Variants in ERCC3 observed in about 807,000 individuals in gnomAD.
ERCC3 encodes the protein ERCC excision repair 3, TFIIH core complex helicase subunit.
Under a neutral mutation model 94.2 loss-of-function variants are expected in ERCC3, and 66 were observed. The ratio of observed to expected loss-of-function variants is 0.70; its 90% CI spans 0.57 to 0.86. The LOEUF (loss-of-function observed/expected upper bound fraction) is 0.86. ERCC3 is among the 40% of genes least tolerant of loss of function. The pLI is 0.00. For missense variants in ERCC3, 829 were observed against 987.1 expected (o/e 0.84, Z 2.15); for synonymous variants, 349 against 369.1 (o/e 0.95, Z 0.63).
chr2:127,280,669 C>G lies in ERCC3; in HGVS notation c.1343-38G>C. The G allele has an allele frequency of 6.5e-7, 1 of 1,550,064 alleles. No individual in the cohort carries two copies. The highest frequency in any genetic ancestry group is 1.1e-5 in the South Asian group (1 of 88,032). On this transcript the variant is annotated intron_variant, in intron 8 of 14. Transcript: ENST00000285398. This position sits in a 1 kb window ranked among gnomAD's most constrained non-coding sequence, Gnocchi z 6.3. ...TGGGAGCATTCACACTGTCACTTTT[C>G]TTTCTTATTTTTTATTTATTTATTT...
rs1483454011 is a variant in ERCC3 at position 127,291,674 on chromosome 2, A to G, written c.471+936T>C. 3.3e-5 allele frequency among the ~76,000 whole-genome samples: 5 copies of G among 152,190 alleles called. No homozygotes were observed. The highest frequency in any genetic ancestry group is 1.2e-4 in the African/African-American group (5 of 41,436). On this transcript the variant is annotated intron_variant, in intron 3 of 14. Coordinates refer to ENST00000285398, the MANE Select transcript of ERCC3 (RefSeq NM_000122.2). The surrounding 1 kb of genome is among the most constrained non-coding windows in gnomAD (Gnocchi z 4.9). Reference sequence around the variant, plus strand: ...CTGTGGCACTCTTCTGCCACTCCAGATCCCAAGGTCTGAATCTGACTCCTT... The same window carrying G: ...CTGTGGCACTCTTCTGCCACTCCAGGTCCCAAGGTCTGAATCTGACTCCTT...
At position 127,264,804 on chromosome 2, in the gene ERCC3, G is replaced by A. The variant is rs1348160318; in HGVS notation, c.1946-3458C>T. On this transcript the variant is annotated intron_variant, in intron 12 of 14. Transcript: ENST00000285398. The surrounding 1 kb of genome is among the most constrained non-coding windows in gnomAD (Gnocchi z 4.4). ...TCCTCAATTTTTTTGAATAGTTTCAGTAGAACTGAATACATCTGGTCCAGG... is the reference window on the plus strand; with the variant it reads ...TCCTCAATTTTTTTGAATAGTTTCAATAGAACTGAATACATCTGGTCCAGG... Among the ~76,000 whole-genome samples the A allele has an allele frequency of 1.3e-5, 2 of 151,688 alleles. No homozygotes were observed. Among genetic ancestry groups the A allele is most frequent in the Non-Finnish European group, 2.9e-5 (2 of 67,966 alleles).
At position 127,281,762 on chromosome 2, in the gene ERCC3, C is replaced by T. The variant is rs1264278736; in HGVS notation, c.1343-1131G>A. ...ACACAACACCACATGCAAACACACACACACAAACACACACACACACACACA... is the reference window on the plus strand; with the variant it reads ...ACACAACACCACATGCAAACACACATACACAAACACACACACACACACACA... On this transcript the variant is annotated intron_variant, in intron 8 of 14. Coordinates refer to ENST00000285398, the MANE Select transcript of ERCC3 (RefSeq NM_000122.2). Among the ~76,000 whole-genome samples the T allele has an allele frequency of 2.0e-5, 3 of 152,054 alleles. No homozygotes were observed. The East Asian group carries it at 5.8e-4, about 29-fold the overall frequency.
In ERCC3 at chr2:127,261,327, G is replaced by GTACTC. The variant is rs1684183609; in HGVS notation, c.1960_1964dup (p.Tyr655Ter). 6.2e-7 allele frequency: 1 copy of GTACTC among 1,605,974 alleles called. No individual in the cohort carries two copies. The highest frequency in any genetic ancestry group is 1.3e-5 in the African/African-American group (1 of 74,736). ...ATACCAGTGAGTAGAAAAAGGCATTGTACTCTTCTGCAACCATCCCTGCAG... is the reference window on the plus strand; with the variant it reads ...ATACCAGTGAGTAGAAAAAGGCATTGTACTCTACTCTTCTGCAACCATCCCTGCAG... On this transcript the variant is annotated stop_gained and frameshift_variant, in exon 13 of 15. Transcript: ENST00000285398. LOFTEE classifies it high-confidence loss of function.
rs913844073 is a variant in ERCC3, at chr2:127,258,491, G to C, written c.2218-764C>G. 3.9e-5 allele frequency among the ~76,000 whole-genome samples: 6 copies of C among 152,170 alleles called. No individual in the cohort carries two copies. The highest frequency in any genetic ancestry group is 1.4e-4 in the African/African-American group (6 of 41,454). On this transcript the variant is annotated intron_variant, in intron 14 of 14. Coordinates refer to ENST00000285398, the MANE Select transcript of ERCC3 (RefSeq NM_000122.2). This position sits in a 1 kb window ranked among gnomAD's most constrained non-coding sequence, Gnocchi z 4.1. ...AGGCACCTCCTTAAAACCAGTGAGAGCAATGAGAGCACTCTCCTGGGTTCC... is the reference window on the plus strand; with the variant it reads ...AGGCACCTCCTTAAAACCAGTGAGACCAATGAGAGCACTCTCCTGGGTTCC...
rs1158767521 is a variant in ERCC3 at position 127,284,904 on chromosome 2, C to A, written c.1342+1799G>T. On this transcript the variant is annotated intron_variant, in intron 8 of 14. Transcript: ENST00000285398. This position sits in a 1 kb window ranked among gnomAD's most constrained non-coding sequence, Gnocchi z 4.1. Reference sequence around the variant, plus strand: ...GTCTCACTATGTTACCCAGGCTAATCTTAAGCTCCTGGGCTCAAGCAATCC... The same window carrying A: ...GTCTCACTATGTTACCCAGGCTAATATTAAGCTCCTGGGCTCAAGCAATCC... Among the ~76,000 whole-genome samples the A allele has an allele frequency of 6.6e-6, 1 of 152,134 alleles. No individual in the cohort carries two copies. The highest frequency in any genetic ancestry group is 1.5e-5 in the Non-Finnish European group (1 of 68,024).
Position 127,293,512 on chromosome 2 carries a change from C to T in ERCC3, c.234+1G>A. The T allele has an allele frequency of 6.2e-7, 1 of 1,613,906 alleles. No homozygotes were observed. The highest frequency in any genetic ancestry group is 8.5e-7 in the Non-Finnish European group (1 of 1,179,908). ...CCTGCCCAAGCTAAGGGCATGCTTA[C>T]CACCCAGAGGGGCCTGGAGGTGTGG... On this transcript the variant is annotated splice_donor_variant, in intron 2 of 14. Coordinates refer to ENST00000285398, the MANE Select transcript of ERCC3 (RefSeq NM_000122.2). LOFTEE classifies it high-confidence loss of function.
intron 12 of ERCC3, among the ~76,000 whole-genome samples, chr2:127,267,033 G>C (rs200455989): frequency 1.3e-5 from 2 of 152,206 alleles, no homozygotes; most frequent in African/African-American, 4.8e-5. Flanking sequence ...TCAATCTTAA[G>C]AGTATATTCT....
intron 10 of ERCC3, among the ~76,000 whole-genome samples, chr2:127,278,348 A>C (rs924723516): frequency 9.2e-5 from 14 of 152,342 alleles, no homozygotes; most frequent in Middle Eastern, 3.4e-3. Context: ...GGAAAATAGA[A>C]GCAGGGAATT....
In ERCC3 at chr2:127,271,241, C is replaced by T; in HGVS notation, c.1945+95G>A. On this transcript the variant is annotated intron_variant, in intron 12 of 14. Transcript: ENST00000285398. The surrounding 1 kb of genome is among the most constrained non-coding windows in gnomAD (Gnocchi z 5.0). Reference sequence around the variant, plus strand: ...TCTCCCTCCAGAGTCTATTTAGCCCCAGGGCACATGGCAGCTCTCACCCCT... The same window carrying T: ...TCTCCCTCCAGAGTCTATTTAGCCCTAGGGCACATGGCAGCTCTCACCCCT... 6 of 862,094 alleles carry T rather than the reference C, an allele frequency of 7.0e-6. No individual in the cohort carries two copies. Among genetic ancestry groups the T allele is most frequent in the Non-Finnish European group, 1.2e-5 (6 of 496,444 alleles). The allele number at this position is 862,094 out of a possible 1,614,324, so 53.4% of individuals were successfully genotyped here.
At chr2:127,283,824 C>G (rs556884600) in intron 8 of ERCC3, among the ~76,000 whole-genome samples, 14 of 152,172 alleles carry the variant, frequency 9.2e-5, no homozygotes, top group Admixed American at 2.6e-4. Flanking sequence ...GAGGTTGAAC[C>G]CTTTTTCAAG....
chr2:127,293,832 AT>A, intron 1 of ERCC3, 114 bp from the exon 2 acceptor site: 1 of 1,588,088 alleles, frequency 6.3e-7, no homozygotes, highest in South Asian at 1.1e-5. Context: ...AGCCACCTGC[AT>A]CCCGCAGGCG....
chr2:127,264,483 T>C lies in ERCC3; in HGVS notation c.1946-3137A>G, dbSNP rs1270287586. Among the ~76,000 whole-genome samples the C allele has an allele frequency of 6.6e-6, 1 of 152,094 alleles. No homozygotes were observed. The highest frequency in any genetic ancestry group is 1.9e-4 in the East Asian group (1 of 5,192). ...CTCTGCCTCAAAAAAACAAAAAACC[T>C]TTTTCTGTGTCTATTAGGATAATTA... is the stretch of plus-strand genomic sequence containing the variant. On this transcript the variant is annotated intron_variant, in intron 12 of 14. Coordinates refer to ENST00000285398, the MANE Select transcript of ERCC3 (RefSeq NM_000122.2). The surrounding 1 kb of genome is among the most constrained non-coding windows in gnomAD (Gnocchi z 4.4).
chr2:127,263,243 T>C (rs2104735100), intron 12 of ERCC3, among the ~76,000 whole-genome samples: 1 of 152,370 alleles, frequency 6.6e-6, no homozygotes, highest in East Asian at 1.9e-4. Flanking sequence ...GTAGATTGTT[T>C]TGGGCAGTTT....
intron 4 of ERCC3, 79 bp from the exon 5 acceptor site, chr2:127,289,903 G>T: frequency 6.7e-7 from 1 of 1,503,026 alleles, no homozygotes; most frequent in Non-Finnish European, 9.2e-7. Context: ...CAATTAGATG[G>T]TCTGGAAATA....
In ERCC3 at chr2:127,286,852, T is replaced by C; in HGVS notation, c.1193A>G (p.Asp398Gly). The C allele has an allele frequency of 1.2e-6, 2 of 1,614,184 alleles. No homozygotes were observed. Among genetic ancestry groups the C allele is most frequent in the East Asian group, 2.2e-5 (1 of 44,886 alleles). Reference sequence around the variant, plus strand: ...GGCAACGGAGCAGCCGATGGGCTTGTCCTTGGCATCGGAGGTGAACCGGCA... The same window carrying C: ...GGCAACGGAGCAGCCGATGGGCTTGCCCTTGGCATCGGAGGTGAACCGGCA... Reference protein sequence around the residue: ...QICRFTSDAKDKPIGCSVAIS... With the variant: ...QICRFTSDAKGKPIGCSVAIS... Residue 398 changes from aspartate (D) to glycine (G), a missense_variant, in exon 8 of 15, where the codon GAC becomes GGC. Coordinates refer to ENST00000285398, the MANE Select transcript of ERCC3 (RefSeq NM_000122.2).
chr2:127,260,570 T>A (rs927787047), intron 13 of ERCC3: 1 of 153,852 alleles, frequency 6.5e-6, no homozygotes, highest in Non-Finnish European at 1.4e-5. Context: ...CACCAATGCA[T>A]AAAGAGACAC....
intron 10 of ERCC3, among the ~76,000 whole-genome samples, chr2:127,278,636 G>A (rs1684808335): frequency 6.6e-6 from 1 of 152,192 alleles, no homozygotes; most frequent in Non-Finnish European, 1.5e-5. Context: ...AGCAAGCGCA[G>A]ACCTCTTCCT....
chr2:127,293,513 C>T lies in ERCC3; in HGVS notation c.234G>A (p.Val78=), dbSNP rs2104782717. ...KDDHTSRPLW[V]APDGHIFLEA... ...CTGCCCAAGCTAAGGGCATGCTTAC[C>T]ACCCAGAGGGGCCTGGAGGTGTGGT... Residue 78 remains valine, a splice_region_variant and synonymous_variant, in exon 2 of 15, where the codon GTG becomes GTA. Coordinates refer to ENST00000285398, the MANE Select transcript of ERCC3 (RefSeq NM_000122.2). 1 of 1,613,968 alleles carries T rather than the reference C, an allele frequency of 6.2e-7. No homozygotes were observed. The highest frequency in any genetic ancestry group is 8.5e-7 in the Non-Finnish European group (1 of 1,179,942).
Sources: gnomAD v4.1 joint callset for allele counts (sites outside exome capture counted in the v4.1 genomes callset) on GRCh38, gnomAD v4.1.1 for gene constraint, Gnocchi (gnomAD v3.1) non-coding constraint, MANE v1.5 for transcripts, NCBI Gene and HGNC (gene_info 2026-07-23, HGNC 2026-07-21) for gene names.